The following CMIP variants were observed in gnomAD, a reference collection of about 807,000 sequenced individuals.
CMIP encodes the protein c-Maf inducing protein, also known as C-Maf-inducing protein.
CMIP carries 13 observed loss-of-function variants against 97.3 expected under a neutral mutation model. That is an observed-to-expected ratio of 0.13 (90% CI 0.09 to 0.21). The LOEUF is 0.21. CMIP is among the 10% of genes least tolerant of loss of function. CMIP has a pLI of 1.00. For synonymous variants in CMIP, 538 were observed against 436.3 expected, an observed-to-expected ratio of 1.23 and a Z score of -2.91; for missense variants, 847 against 1,024.9, an observed-to-expected ratio of 0.83 and a Z score of 2.37.
At chr16:81,608,326 G>A (rs972335013) in intron 2 of CMIP, among the ~76,000 whole-genome samples, 3 of 152,046 alleles carry the variant, frequency 2.0e-5, no homozygotes, top group Non-Finnish European at 4.4e-5. Flanking sequence ...GGATCCGGGG[G>A]TCAGATGACA....
At chr16:81,680,742 C>T (rs947932427) in intron 10 of CMIP, among the ~76,000 whole-genome samples, 1 of 152,230 alleles carries the variant, frequency 6.6e-6, no homozygotes, top group Non-Finnish European at 1.5e-5. Flanking sequence ...TAGGGCGCCT[C>T]CCTGGATTTT....
At chr16:81,501,181 G>A (rs913752969) in intron 1 of CMIP, among the ~76,000 whole-genome samples, 1 of 152,200 alleles carries the variant, frequency 6.6e-6, no homozygotes, top group Non-Finnish European at 1.5e-5. Context: ...AATTCCACTG[G>A]GCCTGATGGG....
At chr16:81,542,918 A>G (rs1487040289) in intron 1 of CMIP, among the ~76,000 whole-genome samples, 2 of 152,252 alleles carry the variant, frequency 1.3e-5, no homozygotes, top group African/African-American at 4.8e-5. Flanking sequence ...ACGGAAGAAC[A>G]GAGAGAAGGA....
intron 13 of CMIP, 138 bp downstream of exon 13, chr16:81,693,625 C>T (rs1652003178): frequency 5.6e-6 from 5 of 892,998 alleles, no homozygotes; most frequent in South Asian, 3.5e-5. Context: ...TGTGTATAAA[C>T]ACATCCCCGC....
intron 3 of CMIP, among the ~76,000 whole-genome samples, chr16:81,641,011 G>A (rs1215372836): frequency 1.3e-5 from 2 of 151,986 alleles, no homozygotes; most frequent in Non-Finnish European, 2.9e-5. Context: ...TCTGCAGCAC[G>A]TCCACCATGA....
intron 9 of CMIP, among the ~76,000 whole-genome samples, chr16:81,673,296 A>C (rs192024658): frequency 1.4e-4 from 21 of 152,270 alleles, no homozygotes; most frequent in Admixed American, 1.3e-3. Context: ...CGGGCAGATC[A>C]CTTGAGGTTA....
intron 1 of CMIP, among the ~76,000 whole-genome samples, chr16:81,513,181 T>C: frequency 6.6e-6 from 1 of 152,224 alleles, no homozygotes; most frequent in East Asian, 1.9e-4. Context: ...TCTTGGTAGG[T>C]TGGAAGATTC....
rs377650188 is a variant in CMIP, at chr16:81,498,979, G to A, written c.300+53438G>A. 7.9e-5 allele frequency among the ~76,000 whole-genome samples: 12 copies of A among 152,292 alleles called. 2 individuals carry two copies. The highest frequency in any genetic ancestry group is 2.9e-4 in the African/African-American group (12 of 41,560). On this transcript the variant is annotated intron_variant, in intron 1 of 20. Transcript: ENST00000537098. ...GGACCCCATGTACAAGCATCTGAGT[G>A]CTTTACAAATTCAAATGTATTTAAT...
chr16:81,536,414 T>C (rs2090343869), intron 1 of CMIP, among the ~76,000 whole-genome samples: 1 of 152,202 alleles, frequency 6.6e-6, no homozygotes, highest in African/African-American at 2.4e-5. Flanking sequence ...GGGGGCATTA[T>C]AAATTGATCG....
intron 1 of CMIP, among the ~76,000 whole-genome samples, chr16:81,496,342 C>T (rs574123207): frequency 1.3e-5 from 2 of 152,146 alleles, no homozygotes; most frequent in African/African-American, 2.4e-5. Context: ...TTCATGGGGG[C>T]GATCCTACTT....
chr16:81,478,336 A>G (rs192194911), intron 1 of CMIP, among the ~76,000 whole-genome samples: 1 of 152,190 alleles, frequency 6.6e-6, no homozygotes, highest in Non-Finnish European at 1.5e-5. Context: ...CAGGGAGCCG[A>G]CAGTTCTGCA....
intron 1 of CMIP, among the ~76,000 whole-genome samples, chr16:81,570,610 GA>G (rs2091070746): frequency 6.6e-6 from 1 of 152,152 alleles, no homozygotes; most frequent in Non-Finnish European, 1.5e-5. Flanking sequence ...CTTCTTCCTG[GA>G]GGCCCCAGCA....
intron 1 of CMIP, among the ~76,000 whole-genome samples, chr16:81,521,358 T>C (rs1443655053): frequency 8.0e-6 from 1 of 124,850 alleles, no homozygotes; most frequent in Non-Finnish European, 1.6e-5. Flanking sequence ...TTTAGTTATC[T>C]GGTGGCTTCG....
In CMIP at chr16:81,495,316, GT is replaced by G. The variant is rs1345720748; in HGVS notation, c.300+49777del. 54 of 1,453,630 alleles carry G rather than the reference GT, an allele frequency of 3.7e-5. No homozygotes were observed. The African/African-American group carries it at 6.8e-4, about 18-fold the overall frequency. 90.0% of individuals were successfully genotyped at this position (1,453,630 alleles called of 1,614,324 possible). ...CTGGGGCGGGGCCCTGGGCAGGCTG[GT>G]TCAGTGATAAGCAGGAGCCAGGCGA... On this transcript the variant is annotated intron_variant, in intron 1 of 20. Transcript: ENST00000537098.
intron 1 of CMIP, among the ~76,000 whole-genome samples, chr16:81,544,500 G>A (rs1360129739): frequency 1.3e-5 from 2 of 151,230 alleles, no homozygotes; most frequent in South Asian, 2.1e-4. Flanking sequence ...ACAGCCTGCC[G>A]CTGACCTTCC....
chr16:81,543,844 A>G (rs1284059855), intron 1 of CMIP, among the ~76,000 whole-genome samples: 8 of 152,238 alleles, frequency 5.3e-5, no homozygotes, highest in Non-Finnish European at 1.0e-4. Context: ...TAGTCCAGCT[A>G]TGACCCCTGA....
At chr16:81,455,422 T>A (rs1169766310) in intron 1 of CMIP, among the ~76,000 whole-genome samples, 2 of 152,198 alleles carry the variant, frequency 1.3e-5, no homozygotes, top group Non-Finnish European at 2.9e-5. Context: ...GCTTGCCTAG[T>A]TGGGAGGTCC....
chr16:81,495,548 C>G, intron 1 of CMIP: 1 of 1,588,706 alleles, frequency 6.3e-7, no homozygotes, highest in East Asian at 2.3e-5. Flanking sequence ...GTGCCTAAAA[C>G]CTCGCCTGCT....
intron 1 of CMIP, among the ~76,000 whole-genome samples, chr16:81,558,301 C>T (rs57306868): frequency 0.085 from 12,933 of 152,028 alleles, 613 homozygotes; most frequent in South Asian, 0.16. Flanking sequence ...GCTGCTTCCG[C>T]CTCTCGGCCG....
Sources: gnomAD v4.1 joint callset for allele counts (sites outside exome capture counted in the v4.1 genomes callset) on GRCh38, gnomAD v4.1.1 for gene constraint, MANE v1.5 for transcripts, NCBI Gene and HGNC (gene_info 2026-07-23, HGNC 2026-07-21) for gene names.